PPP1R12C: variants seen among roughly 807,000 people sequenced by gnomAD.
The protein encoded by PPP1R12C is leukocyte receptor cluster (LRC) encoded novel gene 3.
A neutral mutation model predicts 95.6 loss-of-function variants in PPP1R12C; 48 were observed. That is an observed-to-expected ratio of 0.50 (90% CI 0.40 to 0.64). The LOEUF is 0.64. Among genes scored for constraint, PPP1R12C ranks in the 30% least tolerant of loss-of-function variants. The pLI is 0.00. For missense variants in PPP1R12C, 1,057 were observed against 1,083.3 expected, an observed-to-expected ratio of 0.98 and a Z score of 0.34; for synonymous variants, 480 against 460.8, an observed-to-expected ratio of 1.04 and a Z score of -0.53.
In PPP1R12C at chr19:55,112,462, C is replaced by A; in HGVS notation, c.571+5G>T. On this transcript the variant is annotated splice_donor_5th_base_variant and intron_variant, in intron 3 of 21. Coordinates refer to ENST00000263433, the MANE Select transcript of PPP1R12C (RefSeq NM_017607.4). ...CCACCCCACACACAGCACACCAGAG[C>A]CCACCTCGGCGGGCGATCTCCGCCT... 1.2e-6 allele frequency: 2 copies of A among 1,609,238 alleles called. No individual in the cohort carries two copies. The highest frequency in any genetic ancestry group is 1.7e-6 in the Non-Finnish European group (2 of 1,179,154).
intron 3 of PPP1R12C, 98 bp from the exon 4 acceptor site, chr19:55,103,666 C>G: frequency 1.6e-6 from 2 of 1,226,170 alleles, no homozygotes; most frequent in Non-Finnish European, 2.2e-6. Flanking sequence ...CAGTGACTTG[C>G]CCAGAGCTCT....
In PPP1R12C at chr19:55,096,154, A is replaced by G. The variant is rs765476485; in HGVS notation, c.1050T>C (p.Ser350=). ...AGTCCTGGAGGGAAATCTTCTCGCG[A>G]CTGCTCAGACGACACACAGAGCTCC... ...HRRSSVCRLS[S]REKISLQDLS... is the part of the protein sequence containing the mutation. The change falls in exon 8 of 22, where the codon AGT becomes AGC. Residue 350 remains serine (S), a synonymous_variant. Transcript: ENST00000263433. The G allele has an allele frequency of 6.2e-7, 1 of 1,602,680 alleles. No homozygotes were observed. The highest frequency in any genetic ancestry group is 8.5e-7 in the Non-Finnish European group (1 of 1,173,970).
In PPP1R12C at chr19:55,092,333, G is replaced by A. The variant is rs770737113; in HGVS notation, c.2056-7C>T. ...TGCGCAGCTCTGCATACAGCTGGGG[G>A]TCAGGTAGAGGAGGGTCAGGTGGAG... is the stretch of plus-strand genomic sequence containing the variant. On this transcript the variant is annotated splice_region_variant and splice_polypyrimidine_tract_variant and intron_variant, in intron 18 of 21. Coordinates refer to ENST00000263433, the MANE Select transcript of PPP1R12C (RefSeq NM_017607.4). 6.3e-6 allele frequency: 10 copies of A among 1,588,290 alleles called. No individual in the cohort carries two copies. The highest frequency in any genetic ancestry group is 8.6e-6 in the Non-Finnish European group (10 of 1,166,808).
chr19:55,092,185 C>T (rs1292910979), intron 19 of PPP1R12C, 37 bp downstream of exon 19: 3 of 1,518,542 alleles, frequency 2.0e-6, no homozygotes, highest in South Asian at 1.2e-5. Context: ...CCAGGCGGCC[C>T]TGCCAGTTCC....
chr19:55,108,432 T>G (rs1422204951), intron 3 of PPP1R12C, among the ~76,000 whole-genome samples: 1 of 151,842 alleles, frequency 6.6e-6, no homozygotes, highest in African/African-American at 2.4e-5. Flanking sequence ...AGTTCCAGAC[T>G]AGCTTGGGCA....
intron 6 of PPP1R12C, chr19:55,097,072 T>C: frequency 4.2e-6 from 1 of 239,000 alleles, no homozygotes; most frequent in South Asian, 3.4e-5. Context: ...TTCCCCGCAG[T>C]TCACCACCGT....
chr19:55,105,485 T>G (rs1224030861), intron 3 of PPP1R12C, among the ~76,000 whole-genome samples: 4 of 152,114 alleles, frequency 2.6e-5, no homozygotes, highest in Non-Finnish European at 5.9e-5. Context: ...TTTCTTTATC[T>G]TTTGTTGTGG....
intron 3 of PPP1R12C, among the ~76,000 whole-genome samples, chr19:55,108,294 G>A (rs2085060406): frequency 6.6e-6 from 1 of 151,918 alleles, no homozygotes; most frequent in African/African-American, 2.4e-5. Context: ...TGGTTGTTGT[G>A]CAACCAATCT....
intron 6 of PPP1R12C, among the ~76,000 whole-genome samples, chr19:55,097,593 TCACCACCGTCTTCGCCCCTTCCCCG>T (rs2084935912): frequency 2.3e-5 from 1 of 44,018 alleles, no homozygotes; most frequent in Non-Finnish European, 5.0e-5. Context: ...CCCGCGCAGT[TCACCACCGTCTTCGCCCCTTCCCCG>T]CGCAGTTCAC....
chr19:55,098,889 T>G (rs767353862), intron 5 of PPP1R12C, 31 bp from the exon 6 acceptor site: 9 of 1,612,558 alleles, frequency 5.6e-6, no homozygotes, highest in Middle Eastern at 1.7e-4. Context: ...GATCAGACAA[T>G]GAAGGAGGTG....
chr19:55,117,209 C>T lies in PPP1R12C; in HGVS notation c.321+14G>A, dbSNP rs2085163480. On this transcript the variant is annotated intron_variant, in intron 1 of 21. Transcript: ENST00000263433. ...GGACCTGGCCCCGGGAGACGCCGGGCGGGGGGCGCTGACCTGGTGCAGGGC... is the reference window on the plus strand; with the variant it reads ...GGACCTGGCCCCGGGAGACGCCGGGTGGGGGGCGCTGACCTGGTGCAGGGC... 1 of 1,221,552 alleles carries T rather than the reference C, an allele frequency of 8.2e-7. No homozygotes were observed. The highest frequency in any genetic ancestry group is 1.0e-6 in the Non-Finnish European group (1 of 981,174). The allele number at this position is 1,221,552 out of a possible 1,614,324, so 75.7% of individuals were successfully genotyped here.
Position 55,117,614 on chromosome 19 carries a change from C to G in PPP1R12C, c.-71G>C, listed in dbSNP as rs2085171466. On this transcript the variant is annotated 5_prime_UTR_variant, in exon 1 of 22. Transcript: ENST00000263433. ...CCGCCGCCACCACCCGCCCGCCCGC[C>G]CGCCCCGGGGGCCGCCGGGAACTGC... 3 of 930,772 alleles carry G rather than the reference C, an allele frequency of 3.2e-6. No individual in the cohort carries two copies. The highest frequency in any genetic ancestry group is 1.8e-5 in the African/African-American group (1 of 55,188). 57.7% of individuals were successfully genotyped at this position (930,772 alleles called of 1,614,324 possible).
Position 55,091,856 on chromosome 19 carries a change from C to CA in PPP1R12C, c.2211+2dup, listed in dbSNP as rs748894243. On this transcript the variant is annotated splice_region_variant and intron_variant, in intron 20 of 21. Transcript: ENST00000263433. ...GGCCCCCATCCCCACTGCCCCTACT[C>CA]ACGAATCTCTCCAGTTCCAGGAGGG... is the stretch of plus-strand genomic sequence containing the variant. 10 of 1,613,354 alleles carry CA rather than the reference C, an allele frequency of 6.2e-6. No individual in the cohort carries two copies. The African/African-American group carries it at 1.3e-4, about 22-fold the overall frequency.
rs145116714 is a variant in PPP1R12C, at chr19:55,112,710, G to A, written c.407C>T (p.Thr136Met). The A allele has an allele frequency of 2.7e-4, 432 of 1,613,708 alleles. 1 individual carries two copies. Among genetic ancestry groups the A allele is most frequent in the Non-Finnish European group, 3.5e-4 (413 of 1,179,992 alleles). ...ACAGGAGGCGGCCACGTGCAGTGGC[G>A]TCCAGCCCTCGTTGTCTGCCTGGTT... ...TVNQADNEGW[T>M]PLHVAASCGY... The change falls in exon 2 of 22, where the codon ACG (threonine) becomes ATG (methionine). Residue 136 changes from threonine to methionine, a missense_variant. This residue lies in a region of PPP1R12C where 282 missense variants were observed against 380.4 expected (regional missense o/e 0.74). Transcript: ENST00000263433.
Position 55,096,090 on chromosome 19 carries a change from G to A in PPP1R12C, c.1114C>T (p.Pro372Ser), listed in dbSNP as rs1281535334. ...ERRPGGAGGP[P>S]IQDEDEGEEG... ...TCCCCCTCATCCTCGTCCTGGATGG[G>A]GGGCCCCCCAGCCCCACCAGGCCGG... The change falls in exon 8 of 22, where the codon CCC (proline) becomes TCC (serine). Residue 372 changes from proline (P) to serine (S), a missense_variant. Transcript: ENST00000263433. 1.2e-6 allele frequency: 2 copies of A among 1,604,002 alleles called. No individual in the cohort carries two copies. The highest frequency in any genetic ancestry group is 8.5e-7 in the Non-Finnish European group (1 of 1,176,320).
intron 4 of PPP1R12C, 60 bp from the exon 5 acceptor site, chr19:55,099,155 T>C: frequency 6.9e-7 from 1 of 1,449,284 alleles, no homozygotes. Context: ...CGAGGGCTGA[T>C]TTCGGCCAGC....
intron 3 of PPP1R12C, among the ~76,000 whole-genome samples, chr19:55,105,042 T>A (rs2085022722): frequency 6.6e-6 from 1 of 151,332 alleles, no homozygotes; most frequent in South Asian, 2.1e-4. Context: ...AGTGCTGAAA[T>A]TACAGGCAGG....
intron 3 of PPP1R12C, 41 bp downstream of exon 3, chr19:55,112,426 G>A (rs1398987685): frequency 6.5e-7 from 1 of 1,531,470 alleles, no homozygotes; most frequent in Non-Finnish European, 8.8e-7. Flanking sequence ...CCACGGGTGA[G>A]GAGGTGTCCC....
intron 3 of PPP1R12C, chr19:55,111,634 C>A (rs543568824): frequency 6.6e-6 from 1 of 152,186 alleles, no homozygotes; most frequent in Admixed American, 6.5e-5. Flanking sequence ...GGCCAGCGGC[C>A]CCGTCAGGAC....
Sources: gnomAD v4.1 joint callset for allele counts (sites outside exome capture counted in the v4.1 genomes callset) on GRCh38, gnomAD v4.1.1 for gene constraint, gnomAD v4.1.1 regional missense constraint, MANE v1.5 for transcripts, NCBI Gene and HGNC (gene_info 2026-07-23, HGNC 2026-07-21) for gene names.